LRRC7: variants seen among roughly 807,000 people sequenced by gnomAD.
LRRC7 encodes the protein leucine-rich repeat-containing protein 7.
LRRC7 carries 23 observed loss-of-function variants against 175.7 expected under a neutral mutation model. The ratio of observed to expected loss-of-function variants is 0.13; its 90% CI spans 0.09 to 0.19. The LOEUF (loss-of-function observed/expected upper bound fraction) is 0.19, where lower values mean the gene tolerates loss of function less well. Ranked by LOEUF, LRRC7 falls within the 10% of genes least tolerant of loss-of-function variation. LRRC7 has a pLI of 1.00. For missense variants in LRRC7, 1,354 were observed against 1,904.7 expected (o/e 0.71, Z 5.38); for synonymous variants, 685 against 680.9 (o/e 1.01, Z -0.09).
Position 69,783,753 on chromosome 1 carries a change from C to CAA in LRRC7, c.304-8267_304-8266dup, listed in dbSNP as rs10712087. Among the ~76,000 whole-genome samples, 441 of 84,212 alleles carry CAA rather than the reference C, an allele frequency of 5.2e-3. 6 individuals carry two copies. Among genetic ancestry groups the CAA allele is most frequent in the East Asian group, 0.035 (62 of 1,786 alleles). The allele number at this position is 84,212 out of a possible 152,430, so 55.2% of individuals were successfully genotyped here. Reference sequence around the variant, plus strand: ...GACGACAGAGCTAGACTCCCCATCTCAAAAAAAAAAAAAAAAAAAAAAAAG... The same window carrying CAA: ...GACGACAGAGCTAGACTCCCCATCTCAAAAAAAAAAAAAAAAAAAAAAAAAAG... On this transcript the variant is annotated intron_variant, in intron 3 of 26. Transcript: ENST00000651989.
chr1:70,085,987 G>C (rs904016791), intron 24 of LRRC7, among the ~76,000 whole-genome samples: 2 of 152,078 alleles, frequency 1.3e-5, no homozygotes, highest in African/African-American at 4.8e-5. Flanking sequence ...TTATTTCAAA[G>C]TCATTGATAA....
At chr1:69,919,263 GCAGC>G in intron 7 of LRRC7, 1 of 467,002 alleles carries the variant, frequency 2.1e-6, no homozygotes, top group South Asian at 2.9e-5. Context: ...TAGTACACAA[GCAGC>G]CAAATGTATT....
At chr1:69,886,671 T>G (rs1441841751) in intron 7 of LRRC7, among the ~76,000 whole-genome samples, 1 of 148,290 alleles carries the variant, frequency 6.7e-6, no homozygotes. Context: ...TGATGTTAGC[T>G]GGTGATTTTG....
intron 1 of LRRC7, among the ~76,000 whole-genome samples, chr1:69,612,546 G>T (rs1773333): frequency 0.13 from 19,485 of 151,862 alleles, 1,590 homozygotes; most frequent in South Asian, 0.19. Flanking sequence ...GGAAGATTAG[G>T]TTTATTCTAA....
chr1:69,966,455 T>C (rs972019980), intron 8 of LRRC7, among the ~76,000 whole-genome samples: 18 of 152,352 alleles, frequency 1.2e-4, no homozygotes, highest in African/African-American at 4.1e-4. Flanking sequence ...AACATTTCTC[T>C]TAACCTCATT....
intron 25 of LRRC7, among the ~76,000 whole-genome samples, chr1:70,101,233 A>G (rs1290737864): frequency 2.0e-5 from 3 of 152,152 alleles, no homozygotes; most frequent in Non-Finnish European, 2.9e-5. Context: ...TTGAACTTCC[A>G]TAGTTATATG....
At chr1:69,791,878 G>T (rs977248366) in intron 3 of LRRC7, among the ~76,000 whole-genome samples, 165 bp from the exon 4 acceptor site, 1 of 151,986 alleles carries the variant, frequency 6.6e-6, no homozygotes, top group Admixed American at 6.6e-5. Flanking sequence ...AGAATGTGAA[G>T]CCATTCAGAA....
rs530687365 is a variant in LRRC7, at chr1:70,044,676, G to C, written c.4110+582G>C. On this transcript the variant is annotated intron_variant, in intron 22 of 26. Coordinates refer to ENST00000651989, the MANE Select transcript of LRRC7 (RefSeq NM_001370785.2). ...AGGTTAGTGGAAAAGTAGCAAGTTT[G>C]CATGGTATTAGATGAAAATGTGGGA... is the stretch of plus-strand genomic sequence containing the variant. Among the ~76,000 whole-genome samples, 13 of 152,226 alleles carry C rather than the reference G, an allele frequency of 8.5e-5. No homozygotes were observed. The South Asian group carries it at 2.7e-3, about 32-fold the overall frequency.
intron 2 of LRRC7, among the ~76,000 whole-genome samples, chr1:69,685,087 G>A (rs376423423): frequency 5.3e-4 from 80 of 152,208 alleles, no homozygotes; most frequent in East Asian, 4.4e-3. Context: ...TAACTCTAGC[G>A]GATGACACCA....
At chr1:69,633,538 C>G (rs539772588) in intron 1 of LRRC7, among the ~76,000 whole-genome samples, 3 of 152,044 alleles carry the variant, frequency 2.0e-5, no homozygotes. Flanking sequence ...AATCAATTCT[C>G]CTGCCTCAGC....
chr1:69,853,445 A>T (rs1198830100), intron 7 of LRRC7, among the ~76,000 whole-genome samples: 1 of 150,806 alleles, frequency 6.6e-6, no homozygotes, highest in Non-Finnish European at 1.5e-5. Context: ...CACCCCGCTA[A>T]TTTTTGTATT....
At chr1:69,650,288 C>A (rs986304426) in intron 1 of LRRC7, among the ~76,000 whole-genome samples, 3 of 151,868 alleles carry the variant, frequency 2.0e-5, no homozygotes. Flanking sequence ...CGCCTGTAAT[C>A]CCAGCACTTT....
intron 8 of LRRC7, among the ~76,000 whole-genome samples, chr1:69,945,826 G>A (rs1193208073): frequency 1.3e-5 from 2 of 151,974 alleles, no homozygotes; most frequent in East Asian, 1.9e-4. Flanking sequence ...TTAATTTTAT[G>A]TTGATTTTGT....
At chr1:69,844,002 T>C (rs557155650) in intron 7 of LRRC7, among the ~76,000 whole-genome samples, 1 of 152,272 alleles carries the variant, frequency 6.6e-6, no homozygotes, top group African/African-American at 2.4e-5. Context: ...ATTTTGATCG[T>C]GTAGAATGTT....
chr1:69,590,927 A>G (rs912030881), intron 1 of LRRC7, among the ~76,000 whole-genome samples: 4 of 152,160 alleles, frequency 2.6e-5, no homozygotes, highest in African/African-American at 9.7e-5. Flanking sequence ...AGTTTAAAAA[A>G]TATAAAACAT....
intron 7 of LRRC7, among the ~76,000 whole-genome samples, chr1:69,924,080 T>C (rs2101745637): frequency 1.3e-5 from 2 of 152,332 alleles, no homozygotes; most frequent in South Asian, 4.1e-4. Context: ...CATTTCTTGT[T>C]TTTCTCAGGT....
At chr1:69,956,002 CTAAT>C (rs1650449044) in intron 8 of LRRC7, among the ~76,000 whole-genome samples, 1 of 151,702 alleles carries the variant, frequency 6.6e-6, no homozygotes. Context: ...TAAAAAATAC[CTAAT>C]TTATTGATGT....
chr1:69,888,779 G>A (rs2101636816), intron 7 of LRRC7, among the ~76,000 whole-genome samples: 1 of 152,188 alleles, frequency 6.6e-6, no homozygotes, highest in Non-Finnish European at 1.5e-5. Flanking sequence ...TTTGGGGGTA[G>A]GGAAGATGGG....
At chr1:69,815,911 T>C (rs777362056) in intron 4 of LRRC7, among the ~76,000 whole-genome samples, 6 of 152,072 alleles carry the variant, frequency 3.9e-5, no homozygotes, top group Non-Finnish European at 7.4e-5. Context: ...TCACTATGTC[T>C]TCAGCTGGTG....
Sources: gnomAD v4.1 joint callset for allele counts (sites outside exome capture counted in the v4.1 genomes callset) on GRCh38, gnomAD v4.1.1 for gene constraint, MANE v1.5 for transcripts, NCBI Gene and HGNC (gene_info 2026-07-23, HGNC 2026-07-21) for gene names.